OSMR: variants seen among roughly 807,000 people sequenced by gnomAD.
OSMR encodes oncostatin M receptor, also known as oncostatin-M-specific receptor subunit beta.
OSMR carries 81 observed loss-of-function variants against 99.9 expected under a neutral mutation model. The ratio of observed to expected loss-of-function variants is 0.81; its 90% CI spans 0.68 to 0.97. The LOEUF (loss-of-function observed/expected upper bound fraction) is 0.97. Among genes scored for constraint, OSMR ranks in the 50% least tolerant of loss-of-function variants. OSMR has a pLI of 0.00. For synonymous variants in OSMR, 406 were observed against 410.4 expected (o/e 0.99, Z 0.13); for missense variants, 1,099 against 1,153.4 (o/e 0.95, Z 0.68).
At chr5:38,919,431 T>A in intron 11 of OSMR, 1 of 1,068,788 alleles carries the variant, frequency 9.4e-7, no homozygotes, top group African/African-American at 1.6e-5. Context: ...TACTATTTTG[T>A]AAAAAGTGTT....
At chr5:38,937,186 C>G (rs140046285), downstream of OSMR, among the ~76,000 whole-genome samples, 3,510 of 152,294 alleles carry the variant, frequency 0.023, 140 homozygotes, top group African/African-American at 0.08. The surrounding 1 kb of genome is among the most constrained non-coding windows in gnomAD (Gnocchi z 4.0). Context: ...GTGCCGGCCA[C>G]CACGCCCGGC....
At chr5:38,857,995 A>G (rs554425477) in intron 1 of OSMR, among the ~76,000 whole-genome samples, 12 of 152,262 alleles carry the variant, frequency 7.9e-5, no homozygotes, top group Admixed American at 2.6e-4. Context: ...AGAAAATTGT[A>G]TATATAATAA....
intron 9 of OSMR, among the ~76,000 whole-genome samples, chr5:38,909,789 A>G (rs1053071058): frequency 4.6e-5 from 7 of 152,216 alleles, no homozygotes; most frequent in Non-Finnish European, 8.8e-5. Context: ...TAAGTAATAG[A>G]CCATTGACAG....
At chr5:38,859,526 G>T (rs1030035455) in intron 1 of OSMR, among the ~76,000 whole-genome samples, 1 of 152,110 alleles carries the variant, frequency 6.6e-6, no homozygotes, top group African/African-American at 2.4e-5. Context: ...TTGAAGGCAG[G>T]TGTTGTGAGG....
rs964103530 is a variant in OSMR at position 38,933,907 on chromosome 5, G to A, written c.*463G>A. ...ATAGATTGTCAAATGTAAATTTACT[G>A]AGCGTGTTTTATAAAAAACTCACAG... On this transcript the variant is annotated 3_prime_UTR_variant, in exon 18 of 18. Coordinates refer to ENST00000274276, the MANE Select transcript of OSMR (RefSeq NM_003999.3). 4 of 155,440 alleles carry A rather than the reference G, an allele frequency of 2.6e-5. No individual in the cohort carries two copies. The highest frequency in any genetic ancestry group is 9.7e-5 in the African/African-American group (4 of 41,298). 9.6% of individuals were successfully genotyped at this position (155,440 alleles called of 1,614,324 possible).
In OSMR at chr5:38,886,479, G is replaced by A. The variant is rs112219405; in HGVS notation, c.991+289G>A. ...CTCATCCTGTAACGCCCCCACCTTC[G>A]CTCCTTCCGCCAAGATAATTATCAC... On this transcript the variant is annotated intron_variant, in intron 7 of 17. Transcript: ENST00000274276. The A allele has an allele frequency of 6.4e-3, 3,049 of 478,824 alleles. 15 individuals are homozygous for A. Among genetic ancestry groups the A allele is most frequent in the Middle Eastern group, 0.013 (20 of 1,550 alleles). The allele number at this position is 478,824 out of a possible 1,614,324, so 29.7% of individuals were successfully genotyped here. A position where few individuals can be genotyped will look rare whatever the true frequency, so the allele number is the denominator to read the frequency against.
At chr5:38,906,930 A>C (rs1458598862) in intron 9 of OSMR, among the ~76,000 whole-genome samples, 2 of 152,212 alleles carry the variant, frequency 1.3e-5, no homozygotes, top group Non-Finnish European at 2.9e-5. Flanking sequence ...ATTTTGTTAA[A>C]TTTTGTTAAT....
intron 1 of OSMR, chr5:38,941,732 T>C (rs959715345): frequency 1.3e-5 from 3 of 232,212 alleles, no homozygotes; most frequent in East Asian, 6.1e-5. Flanking sequence ...GCTCTTCTTC[T>C]GCTTTGAGGT....
intron 9 of OSMR, among the ~76,000 whole-genome samples, chr5:38,908,980 T>C (rs1745410307): frequency 6.6e-6 from 1 of 151,800 alleles, no homozygotes; most frequent in African/African-American, 2.4e-5. Flanking sequence ...ATCATCAACA[T>C]CCAAGAGAAA....
intron 12 of OSMR, 44 bp downstream of exon 12, chr5:38,921,838 GAAGAAAGTTC>G (rs761088189): frequency 7.2e-6 from 11 of 1,524,714 alleles, no homozygotes; most frequent in Non-Finnish European, 1.0e-5. Context: ...TATTCACCTT[GAAGAAAGTTC>G]AAGTGGGATT....
chr5:38,939,192 G>C (rs1747265808), downstream of OSMR: 2 of 232,848 alleles, frequency 8.6e-6, no homozygotes, highest in African/African-American at 4.4e-5. Flanking sequence ...ATAAATAGCA[G>C]TAGGAAAATG....
intron 9 of OSMR, among the ~76,000 whole-genome samples, chr5:38,905,492 A>C (rs1745169610): frequency 6.6e-6 from 1 of 152,148 alleles, no homozygotes; most frequent in South Asian, 2.1e-4. Context: ...CATCTCAAAA[A>C]AAAAAAAAAT....
At chr5:38,873,473 A>G (rs1742548329) in intron 2 of OSMR, among the ~76,000 whole-genome samples, 1 of 152,192 alleles carries the variant, frequency 6.6e-6, no homozygotes, top group Non-Finnish European at 1.5e-5. Flanking sequence ...GCTGGGTTAT[A>G]TGGTGATTCT....
In OSMR at chr5:38,884,095, C is replaced by G. The variant is rs571295169; in HGVS notation, c.687C>G (p.Ile229Met). The G allele has an allele frequency of 1.9e-6, 3 of 1,613,380 alleles. No homozygotes were observed. The highest frequency in any genetic ancestry group is 2.5e-6 in the Non-Finnish European group (3 of 1,179,330). Residue 229 changes from isoleucine to methionine, a missense_variant, in exon 5 of 18, where the codon ATC (isoleucine) becomes ATG (methionine). Ile to Met is a conservative substitution (Grantham distance 10). Transcript: ENST00000274276. ...QGNVSEGMKG[I>M]VLFVSKVLEE... Reference sequence around the variant, plus strand: ...ATGTCAGTGAAGGCATGAAAGGCATCGTTCTTTTTGTCTCAAGTAAGTGTG... The same window carrying G: ...ATGTCAGTGAAGGCATGAAAGGCATGGTTCTTTTTGTCTCAAGTAAGTGTG...
intron 1 of OSMR, among the ~76,000 whole-genome samples, chr5:38,860,481 T>G (rs2112124342): frequency 6.6e-6 from 1 of 152,350 alleles, no homozygotes; most frequent in South Asian, 2.1e-4. Context: ...AGTATTTTAT[T>G]GAGGATTTTT....
chr5:38,883,453 G>T (rs1292721806), intron 4 of OSMR, among the ~76,000 whole-genome samples: 1 of 152,206 alleles, frequency 6.6e-6, no homozygotes, highest in Non-Finnish European at 1.5e-5. Context: ...ACCTGTTGTT[G>T]TAAGGTACTA....
intron 9 of OSMR, among the ~76,000 whole-genome samples, chr5:38,910,717 G>C (rs1745521911): frequency 6.6e-6 from 1 of 152,160 alleles, no homozygotes; most frequent in African/African-American, 2.4e-5. Context: ...GCCATGTTAA[G>C]AGTAAAGTTT....
chr5:38,872,293 T>C (rs1742446084), intron 2 of OSMR, among the ~76,000 whole-genome samples: 2 of 152,244 alleles, frequency 1.3e-5, no homozygotes, highest in South Asian at 4.1e-4. Flanking sequence ...TATGTTAATA[T>C]AAGGCGTTCT....
rs375139788 is a variant in OSMR at position 38,884,046 on chromosome 5, T to C, written c.638T>C (p.Ile213Thr). 90 of 1,613,912 alleles carry C rather than the reference T, an allele frequency of 5.6e-5. 1 individual carries two copies. Among genetic ancestry groups the C allele is most frequent in the Admixed American group, 3.3e-5 (2 of 60,004 alleles). The change falls in exon 5 of 18, where the codon ATC becomes ACC. Residue 213 changes from isoleucine to threonine, a missense_variant. Physicochemically the swap from Ile to Thr is moderately conservative, Grantham distance 89 (BLOSUM62 -1). Transcript: ENST00000274276. ...TTCATTAGGAATAAAGGGACAAATA[T>C]CTATTGTGAGGCAAGTCAAGGAAAT... ...VPFIRNKGTN[I>T]YCEASQGNVS...
Sources: gnomAD v4.1 joint callset for allele counts (sites outside exome capture counted in the v4.1 genomes callset) on GRCh38, gnomAD v4.1.1 for gene constraint, Gnocchi (gnomAD v3.1) non-coding constraint, MANE v1.5 for transcripts, NCBI Gene and HGNC (gene_info 2026-07-23, HGNC 2026-07-21) for gene names.